Variants in RTL9 observed in about 807,000 individuals in gnomAD.
RTL9 encodes the protein retrotransposon Gag-like protein 9.
Under a neutral mutation model 44.7 loss-of-function variants are expected in RTL9, and 19 were observed. The observed-to-expected ratio is 0.42, with a 90% CI of 0.30 to 0.62. RTL9 has a LOEUF of 0.62. RTL9 is among the 20% of genes least tolerant of loss of function. The pLI, the probability that RTL9 is intolerant of heterozygous loss-of-function variation, is 0.16. For missense variants in RTL9, 1,105 were observed against 1,080.6 expected (o/e 1.02, Z -0.32); for synonymous variants, 407 against 398.9 (o/e 1.02, Z -0.24).
intron 1 of RTL9, among the ~76,000 whole-genome samples, chrX:110,443,925 C>A (rs1259211748): frequency 8.9e-6 from 1 of 112,303 alleles, no homozygotes; most frequent in East Asian, 2.8e-4. Context: ...CCTGTCCATG[C>A]CTTTATTTAC....
chrX:110,393,539 C>T (rs1313276428), intron 1 of RTL9, among the ~76,000 whole-genome samples: 1 of 111,672 alleles, frequency 9.0e-6, no homozygotes, highest in East Asian at 2.8e-4. Flanking sequence ...CTGTCCCTCA[C>T]TCCTAAGGCC....
At chrX:110,421,227 CTT>C (rs1368457793) in intron 1 of RTL9, among the ~76,000 whole-genome samples, 1 of 112,542 alleles carries the variant, frequency 8.9e-6, no homozygotes, top group African/African-American at 3.2e-5. Context: ...GGATTTAACT[CTT>C]TTCATGCACT....
At chrX:110,397,232 ACT>A in intron 1 of RTL9, among the ~76,000 whole-genome samples, 1 of 109,156 alleles carries the variant, frequency 9.2e-6, no homozygotes, top group African/African-American at 3.4e-5. Context: ...GACCTCTTCC[ACT>A]CCCCTGATAT....
At chrX:110,436,613 G>A (rs760579707) in intron 1 of RTL9, among the ~76,000 whole-genome samples, 31 of 112,055 alleles carry the variant, frequency 2.8e-4, no homozygotes, top group Non-Finnish European at 5.5e-4. Flanking sequence ...AGAACATGCT[G>A]AGGGCATGCC....
intron 1 of RTL9, among the ~76,000 whole-genome samples, chrX:110,383,438 G>A (rs1165875923): frequency 2.7e-5 from 3 of 111,208 alleles, no homozygotes; most frequent in Non-Finnish European, 5.7e-5. Context: ...TCATATTAGA[G>A]CTCATTTTTA....
chrX:110,440,797 A>G (rs955705651), intron 1 of RTL9, among the ~76,000 whole-genome samples: 2 of 112,524 alleles, frequency 1.8e-5, no homozygotes, highest in African/African-American at 6.5e-5. Context: ...TTAAAAATCA[A>G]CAGAGAAGAG....
At chrX:110,377,361 A>G (rs1331014637) in intron 1 of RTL9, among the ~76,000 whole-genome samples, 1 of 111,951 alleles carries the variant, frequency 8.9e-6, no homozygotes, top group African/African-American at 3.3e-5. Context: ...ATAGCGAAAC[A>G]CCGATACCTA....
Position 110,362,171 on chromosome X carries a change from G to C in RTL9, c.-168+3255G>C, listed in dbSNP as rs143266836. Among the ~76,000 whole-genome samples the C allele has an allele frequency of 8.0e-3, 900 of 111,921 alleles. 11 individuals carry two copies. The highest frequency in any genetic ancestry group is 0.027 in the African/African-American group (843 of 30,872). On this transcript the variant is annotated intron_variant, in intron 1 of 2. Transcript: ENST00000520821. Reference sequence around the variant, plus strand: ...TATATATATAACAGAGCCATTGATGGTGCAGAATCCTGAACAAAATCTAGC... The same window carrying C: ...TATATATATAACAGAGCCATTGATGCTGCAGAATCCTGAACAAAATCTAGC...
intron 1 of RTL9, among the ~76,000 whole-genome samples, chrX:110,378,008 CAAAAAA>C (rs755483656): frequency 3.2e-5 from 1 of 30,961 alleles, no homozygotes; most frequent in Non-Finnish European, 5.8e-5. Context: ...GACTCCGTCT[CAAAAAA>C]AAAAAAAAAA....
chrX:110,434,444 C>T (rs903618279), intron 1 of RTL9, among the ~76,000 whole-genome samples: 3 of 111,610 alleles, frequency 2.7e-5, no homozygotes, highest in African/African-American at 9.8e-5. Flanking sequence ...AGAAGTGGAA[C>T]AGGCTCTGAA....
chrX:110,408,152 T>C (rs1341068527), intron 1 of RTL9, among the ~76,000 whole-genome samples: 1 of 112,721 alleles, frequency 8.9e-6, no homozygotes, highest in Non-Finnish European at 1.9e-5. Flanking sequence ...CTGCCCAGCC[T>C]AGCTGAACTG....
intron 1 of RTL9, among the ~76,000 whole-genome samples, chrX:110,428,917 T>C (rs1373207677): frequency 1.8e-5 from 2 of 112,370 alleles, no homozygotes; most frequent in Non-Finnish European, 3.8e-5. Context: ...CAGGGTCCGA[T>C]GCGACGGCAC....
chrX:110,366,429 C>CT (rs1459874803), intron 1 of RTL9, among the ~76,000 whole-genome samples: 1 of 111,601 alleles, frequency 9.0e-6, no homozygotes, highest in East Asian at 2.8e-4. Flanking sequence ...TGGTGAGGGA[C>CT]TAGTGGTTCT....
At chrX:110,379,027 C>A (rs1424253411) in intron 1 of RTL9, among the ~76,000 whole-genome samples, 1 of 111,983 alleles carries the variant, frequency 8.9e-6, no homozygotes, top group Non-Finnish European at 1.9e-5. Context: ...TCACTCTGGC[C>A]CTCTGGTCCC....
At position 110,369,128 on chromosome X, in the gene RTL9, T is replaced by C. The variant is rs2068318877; in HGVS notation, c.-168+10212T>C. ...TGGGCAGATCAGGAAGTCAGGGAAT[T>C]GAGACCATCCTGGCTAACACAGTGA... On this transcript the variant is annotated intron_variant, in intron 1 of 2. Coordinates refer to the RTL9 transcript ENST00000520821. Among the ~76,000 whole-genome samples the C allele has an allele frequency of 6.3e-5, 7 of 111,666 alleles. No individual in the cohort carries two copies. In the South Asian group the frequency reaches 2.7e-3, roughly 42 times the overall value.
upstream of RTL9, among the ~76,000 whole-genome samples, chrX:110,449,554 A>G (rs1481745229): frequency 1.8e-5 from 2 of 112,477 alleles, no homozygotes; most frequent in African/African-American, 6.5e-5. Flanking sequence ...TGCTTATTGG[A>G]GCAGGCTGGA....
At chrX:110,442,981 C>T (rs1416534066) in intron 1 of RTL9, among the ~76,000 whole-genome samples, 1 of 111,334 alleles carries the variant, frequency 9.0e-6, no homozygotes, top group East Asian at 2.8e-4. Flanking sequence ...GAATACCAGA[C>T]CTAGAAAGAG....
At chrX:110,417,859 G>T (rs913540370), upstream of RTL9, among the ~76,000 whole-genome samples, 1 of 112,484 alleles carries the variant, frequency 8.9e-6, no homozygotes. Flanking sequence ...AAGAGAAAAC[G>T]GAGGTAGCCT....
chrX:110,377,375 T>C (rs765452845), intron 1 of RTL9, among the ~76,000 whole-genome samples: 51 of 111,958 alleles, frequency 4.6e-4, no homozygotes, highest in African/African-American at 1.5e-3. Context: ...ATACCTACAG[T>C]CTTCCAGGAA....
Sources: gnomAD v4.1 joint callset for allele counts (sites outside exome capture counted in the v4.1 genomes callset) on GRCh38, gnomAD v4.1.1 for gene constraint, MANE v1.5 for transcripts, NCBI Gene and HGNC (gene_info 2026-07-23, HGNC 2026-07-21) for gene names.